ADAM9: variants seen among roughly 807,000 people sequenced by gnomAD.
ADAM9 encodes the protein disintegrin and metalloproteinase domain-containing protein 9.
In ADAM9, 54 loss-of-function variants were observed where a neutral mutation model predicts 108.1. The observed-to-expected ratio is 0.50, with a 90% CI of 0.40 to 0.63. ADAM9 has a LOEUF of 0.63. ADAM9 is among the 20% of genes least tolerant of loss of function. The probability of loss-of-function intolerance (pLI) is 0.00; values close to 1 mark genes in which losing one functional copy is unlikely to be tolerated. For synonymous variants in ADAM9, 316 were observed against 336.0 expected, an observed-to-expected ratio of 0.94 and a Z score of 0.65; for missense variants, 830 against 997.7, an observed-to-expected ratio of 0.83 and a Z score of 2.26.
At chr8:39,103,467 C>A in intron 21 of ADAM9, 140 bp from the exon 22 acceptor site, 1 of 819,106 alleles carries the variant, frequency 1.2e-6, no homozygotes, top group Non-Finnish European at 2.1e-6. Context: ...GAATATCACC[C>A]TAATACTGAT....
rs1837845677 is a variant in ADAM9, at chr8:39,048,446, G to A, written c.1303-6035G>A. On this transcript the variant is annotated intron_variant, in intron 12 of 21. Coordinates refer to ENST00000487273, the MANE Select transcript of ADAM9 (RefSeq NM_003816.3). ...CCATTTTGGTCAGAAAATATATTTG[G>A]TATGATTTCAGTCTTCTTAAATTTC... 2.0e-5 allele frequency among the ~76,000 whole-genome samples: 3 copies of A among 151,974 alleles called. No homozygotes were observed. In the South Asian group the frequency reaches 6.2e-4, roughly 32 times the overall value.
chr8:39,067,045 A>C (rs1169621384), intron 14 of ADAM9, among the ~76,000 whole-genome samples: 1 of 152,154 alleles, frequency 6.6e-6, no homozygotes, highest in East Asian at 1.9e-4. Flanking sequence ...CAGGTTTTTC[A>C]AAGATCAGAT....
At chr8:39,048,971 T>C (rs948817744) in intron 12 of ADAM9, among the ~76,000 whole-genome samples, 3 of 151,208 alleles carry the variant, frequency 2.0e-5, no homozygotes, top group African/African-American at 4.9e-5. Flanking sequence ...CTTAGAACTA[T>C]AGTGAGTCTC....
intron 11 of ADAM9, among the ~76,000 whole-genome samples, chr8:39,037,207 G>A (rs909869460): frequency 3.3e-5 from 5 of 149,726 alleles, no homozygotes; most frequent in Admixed American, 6.6e-5. Context: ...ACAGGCGCCC[G>A]CCACTGCGCC....
intron 14 of ADAM9, among the ~76,000 whole-genome samples, chr8:39,070,058 C>T (rs542596470): frequency 2.1e-4 from 30 of 143,060 alleles, no homozygotes; most frequent in Non-Finnish European, 4.0e-4. Context: ...GAGGCTAAGG[C>T]AGGAGGATCA....
At chr8:39,038,509 C>T (rs939935279) in intron 11 of ADAM9, among the ~76,000 whole-genome samples, 3 of 152,128 alleles carry the variant, frequency 2.0e-5, no homozygotes, top group Admixed American at 6.5e-5. Context: ...GCTCATCACA[C>T]CCACACCCCG....
intron 11 of ADAM9, among the ~76,000 whole-genome samples, chr8:39,034,478 C>T (rs1339305891): frequency 3.3e-5 from 5 of 152,134 alleles, no homozygotes; most frequent in African/African-American, 1.2e-4. Context: ...GCTCTTTGGT[C>T]CTCTTGCATC....
At chr8:39,011,036 T>C (rs1254746908) in intron 2 of ADAM9, among the ~76,000 whole-genome samples, 1 of 147,752 alleles carries the variant, frequency 6.8e-6, no homozygotes, top group Non-Finnish European at 1.5e-5. Flanking sequence ...GAGGTTGCAG[T>C]GAGCCGAGAT....
At chr8:39,028,671 C>T (rs909002643) in intron 11 of ADAM9, among the ~76,000 whole-genome samples, 2 of 152,164 alleles carry the variant, frequency 1.3e-5, no homozygotes, top group Non-Finnish European at 2.9e-5. Flanking sequence ...GAGCACTGAC[C>T]ACCTGCCAGA....
In ADAM9 at chr8:39,062,682, T is replaced by C. The variant is rs545301432; in HGVS notation, c.1591+6910T>C. Among the ~76,000 whole-genome samples the C allele has an allele frequency of 5.9e-5, 9 of 152,216 alleles. 1 individual carries two copies. In the South Asian group the frequency reaches 1.9e-3, roughly 32 times the overall value. ...TATCACCTAGAATCTGATACTTTCATTGCATTTAAGTTTCCCAACTCAGTG... is the reference window on the plus strand; with the variant it reads ...TATCACCTAGAATCTGATACTTTCACTGCATTTAAGTTTCCCAACTCAGTG... On this transcript the variant is annotated intron_variant, in intron 14 of 21. Transcript: ENST00000487273.
At chr8:39,002,453 G>A (rs528453773) in intron 1 of ADAM9, among the ~76,000 whole-genome samples, 5 of 151,688 alleles carry the variant, frequency 3.3e-5, no homozygotes, top group Middle Eastern at 3.4e-3. Flanking sequence ...CGAGTAGCTG[G>A]GACTACAGGC....
chr8:39,049,982 TC>T (rs1406940403), intron 12 of ADAM9, among the ~76,000 whole-genome samples: 5 of 152,198 alleles, frequency 3.3e-5, no homozygotes, highest in Admixed American at 6.5e-5. Flanking sequence ...CTTTTGTTTT[TC>T]TAGAAAAGTC....
intron 14 of ADAM9, among the ~76,000 whole-genome samples, chr8:39,065,516 C>T (rs1157931885): frequency 6.6e-6 from 1 of 151,564 alleles, no homozygotes; most frequent in Non-Finnish European, 1.5e-5. Context: ...AAAAATTAGC[C>T]TGGTGTGGTG....
chr8:39,000,228 G>C (rs1382586444), intron 1 of ADAM9, among the ~76,000 whole-genome samples: 1 of 151,950 alleles, frequency 6.6e-6, no homozygotes, highest in Non-Finnish European at 1.5e-5. Flanking sequence ...TCCTGACCTC[G>C]TGATCCGCCC....
chr8:39,036,134 C>T (rs770401816), intron 11 of ADAM9, among the ~76,000 whole-genome samples: 1 of 151,950 alleles, frequency 6.6e-6, no homozygotes, highest in Admixed American at 6.6e-5. Context: ...AATCTACCCT[C>T]GTAATAAGAT....
intron 12 of ADAM9, among the ~76,000 whole-genome samples, chr8:39,045,068 ACATATGTGTGTG>A (rs1437340075): frequency 4.7e-5 from 1 of 21,370 alleles, no homozygotes; most frequent in African/African-American, 2.5e-4. Context: ...GTGCATACAT[ACATATGTGTGTG>A]TGCATACATA....
intron 2 of ADAM9, among the ~76,000 whole-genome samples, chr8:39,008,726 C>T (rs1358967847): frequency 5.9e-5 from 9 of 151,986 alleles, no homozygotes; most frequent in Admixed American, 3.9e-4. Flanking sequence ...GTGTTAAATG[C>T]GTATATTTTA....
At chr8:39,065,341 T>TC (rs1268559095) in intron 14 of ADAM9, among the ~76,000 whole-genome samples, 1 of 152,066 alleles carries the variant, frequency 6.6e-6, no homozygotes, top group Non-Finnish European at 1.5e-5. Flanking sequence ...TGAGTTTTTT[T>TC]CCCACTTATT....
Position 39,071,353 on chromosome 8 carries a change from A to G in ADAM9, c.1647A>G (p.Arg549=). The G allele has an allele frequency of 6.2e-7, 1 of 1,613,142 alleles. No homozygotes were observed. Among genetic ancestry groups the G allele is most frequent in the South Asian group, 1.1e-5 (1 of 91,068 alleles). Reference sequence around the variant, plus strand: ...TTGAAGTGAATTCTAAAGGTGACAGATTTGGCAATTGTGGTTTCTCTGGCA... The same window carrying G: ...TTGAAGTGAATTCTAAAGGTGACAGGTTTGGCAATTGTGGTTTCTCTGGCA... ...CFIEVNSKGD[R]FGNCGFSGNE... is the part of the protein sequence containing the mutation. The change falls in exon 15 of 22, where the codon AGA becomes AGG. Residue 549 remains arginine, a synonymous_variant. Transcript: ENST00000487273.
Sources: gnomAD v4.1 joint callset for allele counts (sites outside exome capture counted in the v4.1 genomes callset) on GRCh38, gnomAD v4.1.1 for gene constraint, MANE v1.5 for transcripts, NCBI Gene and HGNC (gene_info 2026-07-23, HGNC 2026-07-21) for gene names.